The following ARHGEF4 variants were observed in gnomAD, a reference collection of about 807,000 sequenced individuals.
ARHGEF4 encodes Rho guanine nucleotide exchange factor 4, also known as APC-stimulated guanine nucleotide exchange factor 1.
A neutral mutation model predicts 162.0 loss-of-function variants in ARHGEF4; 119 were observed. The ratio of observed to expected loss-of-function variants is 0.73; its 90% CI spans 0.63 to 0.86. The LOEUF is 0.86. Ranked by LOEUF, ARHGEF4 falls within the 40% of genes least tolerant of loss-of-function variation. ARHGEF4 has a pLI of 0.00. For synonymous variants in ARHGEF4, 1,014 were observed against 979.9 expected, an observed-to-expected ratio of 1.03 and a Z score of -0.65; for missense variants, 2,488 against 2,456.0, an observed-to-expected ratio of 1.01 and a Z score of -0.28.
At chr2:130,903,247 C>CTTTTTTTTTTTT (rs59665239) in intron 1 of ARHGEF4, among the ~76,000 whole-genome samples, 7 of 143,712 alleles carry the variant, frequency 4.9e-5, no homozygotes, top group African/African-American at 5.1e-5. Context: ...TTTATCTTGA[C>CTTTTTTTTTTTT]TTTTTTTTTT....
At chr2:130,868,911 G>C (rs144530358) in intron 1 of ARHGEF4, among the ~76,000 whole-genome samples, 1 of 152,190 alleles carries the variant, frequency 6.6e-6, no homozygotes, top group Non-Finnish European at 1.5e-5. Flanking sequence ...TGGCACCCCC[G>C]TCCTTAAAGG....
At chr2:130,996,534 T>G (rs1687405278) in intron 4 of ARHGEF4, among the ~76,000 whole-genome samples, 1 of 152,214 alleles carries the variant, frequency 6.6e-6, no homozygotes, top group Non-Finnish European at 1.5e-5. Context: ...CCACATTTTA[T>G]CAATTATTCC....
chr2:130,917,494 G>A lies in ARHGEF4; in HGVS notation c.3548G>A (p.Ser1183Asn), dbSNP rs898448084. ...TVPWLRDLPG[S>N]ENHMPWEEPA... ...CCCTGGCTCAGGGACCTTCCTGGGA[G>A]TGAGGTGAGTATCTGAATCGCACCA... is the stretch of plus-strand genomic sequence containing the variant. The change falls in exon 2 of 14, where the codon AGT (serine) becomes AAT (asparagine). Residue 1183 changes from serine (S) to asparagine (N), a missense_variant. By Grantham distance (46) the Ser-to-Asn change is conservative. Transcript: ENST00000409359. The A allele has an allele frequency of 3.2e-6, 5 of 1,548,360 alleles. No individual in the cohort carries two copies. Among genetic ancestry groups the A allele is most frequent in the African/African-American group, 1.4e-5 (1 of 72,940 alleles).
chr2:131,018,339 G>A (rs756707751), intron 4 of ARHGEF4, among the ~76,000 whole-genome samples: 1 of 152,096 alleles, frequency 6.6e-6, no homozygotes, highest in Non-Finnish European at 1.5e-5. Flanking sequence ...TAGTGATGTC[G>A]TATGTCCTTA....
intron 2 of ARHGEF4, among the ~76,000 whole-genome samples, chr2:130,921,897 G>A (rs1037853712): frequency 2.0e-5 from 3 of 151,830 alleles, no homozygotes; most frequent in Non-Finnish European, 2.9e-5. Flanking sequence ...TCACCATGTT[G>A]GCCAGGCTGG....
rs1269767513 is a variant in ARHGEF4 at position 131,041,791 on chromosome 2, C to T, written c.4896-24C>T. On this transcript the variant is annotated intron_variant, in intron 9 of 13. Transcript: ENST00000409359. ...TTTCTCTGTCTCCAGCCTGCAGCAG[C>T]CTTCCATCTCTGTTCTGCCCCAGGG... 2.5e-6 allele frequency: 4 copies of T among 1,608,474 alleles called. No individual in the cohort carries two copies. The South Asian group carries it at 4.4e-5, about 18-fold the overall frequency.
At chr2:130,949,132 CTCACCTGTGT>C (rs1383347909) in intron 4 of ARHGEF4, among the ~76,000 whole-genome samples, 5 of 151,896 alleles carry the variant, frequency 3.3e-5, no homozygotes, top group Non-Finnish European at 7.4e-5. Flanking sequence ...TTGTTTTTTT[CTCACCTGTGT>C]TCACTGCCTT....
intron 1 of ARHGEF4, among the ~76,000 whole-genome samples, chr2:130,893,628 C>T: frequency 6.6e-6 from 1 of 152,162 alleles, no homozygotes; most frequent in East Asian, 1.9e-4. Context: ...CGTGGCCGGG[C>T]AGGGTGGGAG....
chr2:130,907,364 G>A (rs1250544222), intron 1 of ARHGEF4, among the ~76,000 whole-genome samples: 1 of 151,640 alleles, frequency 6.6e-6, no homozygotes, highest in African/African-American at 2.4e-5. Context: ...ACAGGCGCCT[G>A]CCACCATGCT....
intron 4 of ARHGEF4, among the ~76,000 whole-genome samples, chr2:130,969,300 C>A (rs2105215014): frequency 6.6e-6 from 1 of 152,110 alleles, no homozygotes; most frequent in Non-Finnish European, 1.5e-5. Flanking sequence ...GTCGTAAAGT[C>A]AAAAAATCAT....
chr2:131,035,275 G>A lies in ARHGEF4; in HGVS notation c.4126-3578G>A, dbSNP rs977689956. ...GGCCTTCCGCTGAGCGGCCGCGCAG[G>A]GCGCCGCGCCGGGGTGAGTGGCGCG... On this transcript the variant is annotated intron_variant, in intron 5 of 13. Coordinates refer to ENST00000409359, the MANE Select transcript of ARHGEF4 (RefSeq NM_001367493.1). 2.4e-4 allele frequency: 287 copies of A among 1,216,896 alleles called. 1 individual carries two copies. The highest frequency in any genetic ancestry group is 2.9e-4 in the Non-Finnish European group (281 of 978,204). The allele number at this position is 1,216,896 out of a possible 1,614,324, so 75.4% of individuals were successfully genotyped here.
intron 4 of ARHGEF4, among the ~76,000 whole-genome samples, chr2:130,978,915 C>T (rs764680993): frequency 6.6e-6 from 1 of 152,342 alleles, no homozygotes; most frequent in East Asian, 1.9e-4. Context: ...TTCAGGAACA[C>T]ATCAGCCTTT....
intron 1 of ARHGEF4, among the ~76,000 whole-genome samples, chr2:130,870,725 A>G (rs1678420638): frequency 6.6e-6 from 1 of 152,016 alleles, no homozygotes. Flanking sequence ...AATTTCTTAC[A>G]AGGCTATGGT....
At chr2:130,970,058 G>A (rs1015039019) in intron 4 of ARHGEF4, among the ~76,000 whole-genome samples, 1 of 152,172 alleles carries the variant, frequency 6.6e-6, no homozygotes, top group Admixed American at 6.5e-5. Flanking sequence ...TACTCAGATT[G>A]TTCCTACTTT....
intron 4 of ARHGEF4, among the ~76,000 whole-genome samples, chr2:131,003,105 G>A (rs1056598140): frequency 7.2e-5 from 11 of 152,186 alleles, no homozygotes; most frequent in South Asian, 2.1e-4. Flanking sequence ...TATGAACAGC[G>A]TTAGTAACAG....
chr2:130,901,052 C>T (rs1466242976), intron 1 of ARHGEF4, among the ~76,000 whole-genome samples: 2 of 152,130 alleles, frequency 1.3e-5, no homozygotes, highest in Non-Finnish European at 2.9e-5. Flanking sequence ...GTACCCAGTG[C>T]TGGTGGGCTT....
intron 4 of ARHGEF4, among the ~76,000 whole-genome samples, chr2:130,979,704 C>G (rs1320088318): frequency 7.2e-6 from 1 of 138,172 alleles, no homozygotes; most frequent in Non-Finnish European, 1.5e-5. Context: ...CCGCTGCATT[C>G]CAGCCTCGGT....
rs948723853 is a variant in ARHGEF4 at position 130,916,155 on chromosome 2, C to G, written c.2209C>G (p.Leu737Val). Residue 737 changes from leucine to valine, a missense_variant, in exon 2 of 14, where the codon CTG (leucine) becomes GTG (valine). Coordinates refer to ENST00000409359, the MANE Select transcript of ARHGEF4 (RefSeq NM_001367493.1). ...PSTEEPPGER[L>V]RGESRSSGSG... ...CACAGAGGAGCCCCCGGGAGAGAGA[C>G]TGCGTGGGGAGAGCCGGAGCTCCGG... 1.3e-6 allele frequency: 2 copies of G among 1,549,052 alleles called. No individual in the cohort carries two copies. Among genetic ancestry groups the G allele is most frequent in the Non-Finnish European group, 1.7e-6 (2 of 1,146,842 alleles).
Position 130,916,603 on chromosome 2 carries a change from G to T in ARHGEF4, c.2657G>T (p.Arg886Leu), listed in dbSNP as rs1325591492. ...GGGACCTCAGGGGATCTTGGTAGCC[G>T]AGGGCCTTCCTCTGAGAGCTGCAAC... Reference protein sequence around the residue: ...HTGTSGDLGSRGPSSESCNAK... With the variant: ...HTGTSGDLGSLGPSSESCNAK... The change falls in exon 2 of 14, where the codon CGA (arginine) becomes CTA (leucine). Residue 886 changes from arginine to leucine, a missense_variant. Transcript: ENST00000409359. 6.4e-7 allele frequency: 1 copy of T among 1,550,462 alleles called. No individual in the cohort carries two copies. Among genetic ancestry groups the T allele is most frequent in the African/African-American group, 1.4e-5 (1 of 73,070 alleles).
Sources: gnomAD v4.1 joint callset for allele counts (sites outside exome capture counted in the v4.1 genomes callset) on GRCh38, gnomAD v4.1.1 for gene constraint, MANE v1.5 for transcripts, NCBI Gene and HGNC (gene_info 2026-07-23, HGNC 2026-07-21) for gene names.